OXR1: variants seen among roughly 807,000 people sequenced by gnomAD.
The protein encoded by OXR1 is oxidation resistance protein 1.
A neutral mutation model predicts 104.6 loss-of-function variants in OXR1; 41 were observed. The ratio of observed to expected loss-of-function variants is 0.39; its 90% CI spans 0.31 to 0.51. The LOEUF (loss-of-function observed/expected upper bound fraction) is 0.51. Among genes scored for constraint, OXR1 ranks in the 20% least tolerant of loss-of-function variants. OXR1 has a pLI of 0.77. For missense variants in OXR1, 955 were observed against 1,031.9 expected, an observed-to-expected ratio of 0.93 and a Z score of 1.02; for synonymous variants, 348 against 348.4, an observed-to-expected ratio of 1.00 and a Z score of 0.01.
Position 106,291,567 on chromosome 8 carries a change from T to C in OXR1, c.-139+21200T>C, listed in dbSNP as rs1399906175. On this transcript the variant is annotated intron_variant, in intron 1 of 16. Coordinates refer to ENST00000517566, the MANE Select transcript of OXR1 (RefSeq NM_001198533.2). ...TAGTTTTCCTTTTCAAGGTTTCTGT[T>C]ACCAGTGGTCAATCACAGTCTGAAA... Among the ~76,000 whole-genome samples, 7 of 152,362 alleles carry C rather than the reference T, an allele frequency of 4.6e-5. No homozygotes were observed. In the East Asian group the frequency reaches 5.8e-4, roughly 13 times the overall value.
intron 1 of OXR1, among the ~76,000 whole-genome samples, chr8:106,341,237 A>T: frequency 6.6e-6 from 1 of 152,148 alleles, no homozygotes; most frequent in East Asian, 1.9e-4. Context: ...CATATATCTA[A>T]AACAACAGTA....
At chr8:106,552,557 C>A (rs953112986) in intron 3 of OXR1, among the ~76,000 whole-genome samples, 2 of 152,070 alleles carry the variant, frequency 1.3e-5, no homozygotes, top group African/African-American at 4.8e-5. Flanking sequence ...AACCTTAAGG[C>A]CTCCTGATAG....
chr8:106,490,503 C>A (rs935511202), intron 2 of OXR1, among the ~76,000 whole-genome samples: 9 of 152,076 alleles, frequency 5.9e-5, no homozygotes, highest in Admixed American at 2.6e-4. Context: ...GGACTACAGG[C>A]CTGCGCCACC....
chr8:106,364,506 G>C (rs1464838539), intron 2 of OXR1, among the ~76,000 whole-genome samples: 1 of 152,112 alleles, frequency 6.6e-6, no homozygotes. Flanking sequence ...CTTGAAACCA[G>C]GAGGCAGAGG....
At chr8:106,482,434 C>T (rs557337116) in intron 2 of OXR1, among the ~76,000 whole-genome samples, 1 of 147,836 alleles carries the variant, frequency 6.8e-6, no homozygotes, top group African/African-American at 2.5e-5. Flanking sequence ...AAAAAAGGCT[C>T]AAATCCCATC....
chr8:106,624,080 T>C (rs1476866443), intron 3 of OXR1, among the ~76,000 whole-genome samples: 4 of 152,202 alleles, frequency 2.6e-5, no homozygotes, highest in Non-Finnish European at 1.5e-5. Flanking sequence ...TTCTTTCCTC[T>C]CCACCCTTGT....
At chr8:106,317,807 C>A (rs1362420897) in intron 1 of OXR1, among the ~76,000 whole-genome samples, 45 of 144,510 alleles carry the variant, frequency 3.1e-4, no homozygotes, top group African/African-American at 6.9e-4. Flanking sequence ...AAAAAAAAAA[C>A]AAAAAGGAGT....
intron 2 of OXR1, among the ~76,000 whole-genome samples, chr8:106,398,378 G>A (rs1047333487): frequency 6.6e-6 from 1 of 152,120 alleles, no homozygotes; most frequent in South Asian, 2.1e-4. Flanking sequence ...GTGTTTAAAA[G>A]CATTTTCCCA....
At chr8:106,461,439 C>T (rs767409983) in intron 2 of OXR1, among the ~76,000 whole-genome samples, 9 of 151,964 alleles carry the variant, frequency 5.9e-5, no homozygotes, top group Non-Finnish European at 1.0e-4. Flanking sequence ...GGCATGGTGG[C>T]GTGTACCTGT....
chr8:106,486,639 A>G (rs537942803), intron 2 of OXR1, among the ~76,000 whole-genome samples: 2 of 152,048 alleles, frequency 1.3e-5, no homozygotes, highest in Non-Finnish European at 2.9e-5. Context: ...AGTTGCCTGA[A>G]ACTGTGGAAA....
At chr8:106,698,570 C>G (rs1462212323) in intron 7 of OXR1, among the ~76,000 whole-genome samples, 1 of 152,096 alleles carries the variant, frequency 6.6e-6, no homozygotes, top group East Asian at 1.9e-4. Flanking sequence ...CCCTCATACT[C>G]CATTCACTTT....
At position 106,390,902 on chromosome 8, in the gene OXR1, C is replaced by A. The variant is rs146140335; in HGVS notation, c.23+31266C>A. The stretch of plus-strand genomic sequence containing the variant: ...AAATTTTAATTTGCTCTTTGGAAGC[C>A]CCCCTCCCCCAGATACTCTCATTAG... On this transcript the variant is annotated intron_variant, in intron 2 of 16. Transcript: ENST00000517566. 6.9e-3 allele frequency among the ~76,000 whole-genome samples: 1,054 copies of A among 152,048 alleles called. 14 individuals are homozygous for A. Among genetic ancestry groups the A allele is most frequent in the African/African-American group, 0.024 (976 of 41,456 alleles).
intron 1 of OXR1, among the ~76,000 whole-genome samples, chr8:106,283,041 C>T (rs1007542271): frequency 6.6e-6 from 1 of 152,182 alleles, no homozygotes; most frequent in African/African-American, 2.4e-5. Flanking sequence ...AAGTTCTATT[C>T]AGTGTGAACA....
intron 8 of OXR1, among the ~76,000 whole-genome samples, chr8:106,704,244 A>G (rs1324587921): frequency 6.6e-6 from 1 of 152,056 alleles, no homozygotes; most frequent in Non-Finnish European, 1.5e-5. Flanking sequence ...GGAGGTGGAT[A>G]ATGGGATGAG....
At position 106,370,169 on chromosome 8, in the gene OXR1, C is replaced by T. The variant is rs533654516; in HGVS notation, c.23+10533C>T. 2.2e-4 allele frequency among the ~76,000 whole-genome samples: 33 copies of T among 152,070 alleles called. 1 individual carries two copies. In the South Asian group the frequency reaches 3.3e-3, roughly 15 times the overall value. ...TATTCTCTTTGTAGTGATTGTGAATCGGAGTTCATTCATGATTTGGCTCTC... is the reference window on the plus strand; with the variant it reads ...TATTCTCTTTGTAGTGATTGTGAATTGGAGTTCATTCATGATTTGGCTCTC... On this transcript the variant is annotated intron_variant, in intron 2 of 16. Coordinates refer to ENST00000517566, the MANE Select transcript of OXR1 (RefSeq NM_001198533.2).
intron 3 of OXR1, among the ~76,000 whole-genome samples, chr8:106,632,816 G>A (rs531629029): frequency 6.6e-6 from 1 of 152,330 alleles, no homozygotes; most frequent in African/African-American, 2.4e-5. Flanking sequence ...GTGCATGGCT[G>A]TGGTCCCAGC....
At chr8:106,368,543 C>T (rs1433667715) in intron 2 of OXR1, among the ~76,000 whole-genome samples, 4 of 151,906 alleles carry the variant, frequency 2.6e-5, no homozygotes, top group Non-Finnish European at 4.4e-5. Context: ...TCTAAGACCC[C>T]TCCCCTCAAC....
intron 1 of OXR1, among the ~76,000 whole-genome samples, chr8:106,344,303 T>C (rs1586548459): frequency 6.6e-6 from 1 of 152,054 alleles, no homozygotes; most frequent in African/African-American, 2.4e-5. Flanking sequence ...GGTACAAAGA[T>C]AGCTAGCCAC....
intron 3 of OXR1, among the ~76,000 whole-genome samples, chr8:106,606,558 C>T (rs528884748): frequency 1.9e-4 from 29 of 151,744 alleles, no homozygotes; most frequent in African/African-American, 6.8e-4. Flanking sequence ...ATGATCCGCC[C>T]GCTTCAGCCT....
Sources: allele counts gnomAD v4.1 joint callset (sites outside exome capture counted in the v4.1 genomes callset), GRCh38; gene constraint gnomAD v4.1.1; transcripts MANE v1.5; gene names NCBI Gene and HGNC (gene_info 2026-07-23, HGNC 2026-07-21).